The following DLGAP2 variants were observed in gnomAD, a reference collection of about 807,000 sequenced individuals.
The protein encoded by DLGAP2 is disks large-associated protein 2.
Under a neutral mutation model 100.3 loss-of-function variants are expected in DLGAP2, and 26 were observed. That is an observed-to-expected ratio of 0.26 (90% confidence interval 0.19 to 0.36). DLGAP2 has a LOEUF of 0.36. DLGAP2 is among the 10% of genes least tolerant of loss of function. The pLI is 1.00. For missense variants in DLGAP2, 1,858 were observed against 1,453.2 expected (o/e 1.28, Z -4.53); for synonymous variants, 886 against 630.1 (o/e 1.41, Z -6.08).
chr8:1,481,535 G>C (rs1799097228), intron 3 of DLGAP2, among the ~76,000 whole-genome samples: 1 of 127,768 alleles, frequency 7.8e-6, no homozygotes, highest in Admixed American at 9.8e-5. Context: ...CTGGAGTGCA[G>C]TGGTATGATC....
At chr8:1,308,017 C>T (rs759808460) in intron 3 of DLGAP2, among the ~76,000 whole-genome samples, 1 of 152,044 alleles carries the variant, frequency 6.6e-6, no homozygotes, top group African/African-American at 2.4e-5. Context: ...ATTTTACCAC[C>T]GTTTTTCCAA....
chr8:1,021,417 G>C (rs1455977432), intron 2 of DLGAP2, among the ~76,000 whole-genome samples: 1 of 152,158 alleles, frequency 6.6e-6, no homozygotes, highest in Non-Finnish European at 1.5e-5. Context: ...CATTTCTCTT[G>C]TTTGACTCGA....
chr8:1,668,126 T>C (rs1798591820), intron 8 of DLGAP2, among the ~76,000 whole-genome samples: 1 of 152,246 alleles, frequency 6.6e-6, no homozygotes. Context: ...CTGGGTTTGC[T>C]GGTATTTTTA....
At chr8:747,281 A>C (rs947718715) in intron 1 of DLGAP2, among the ~76,000 whole-genome samples, 5 of 152,086 alleles carry the variant, frequency 3.3e-5, no homozygotes, top group East Asian at 2.0e-4. Flanking sequence ...AAAAGACTGC[A>C]AGATATCATA....
At position 1,036,909 on chromosome 8, in the gene DLGAP2, A is replaced by G. The variant is rs372072054; in HGVS notation, c.73+128943A>G. Among the ~76,000 whole-genome samples the G allele has an allele frequency of 4.2e-3, 638 of 152,234 alleles. 6 individuals are homozygous for G. The highest frequency in any genetic ancestry group is 0.015 in the African/African-American group (605 of 41,542). On this transcript the variant is annotated intron_variant, in intron 2 of 14. Transcript: ENST00000637795. ...TAAGCTGCTTTTTTTAGGATACCAG[A>G]AGGTGTGACCCCCTCCCGGCACAGT...
chr8:1,082,582 T>G (rs1482183176), intron 2 of DLGAP2, among the ~76,000 whole-genome samples: 1 of 152,208 alleles, frequency 6.6e-6, no homozygotes, highest in African/African-American at 2.4e-5. Flanking sequence ...TGAGCAGGGC[T>G]GGGCATGGTG....
At chr8:1,381,713 G>C (rs1346251999) in intron 3 of DLGAP2, among the ~76,000 whole-genome samples, 1 of 151,884 alleles carries the variant, frequency 6.6e-6, no homozygotes, top group African/African-American at 2.4e-5. Flanking sequence ...TCAGCATCAT[G>C]TCCTCCAGCT....
At chr8:1,293,696 G>C (rs969195925) in intron 3 of DLGAP2, among the ~76,000 whole-genome samples, 6 of 152,142 alleles carry the variant, frequency 3.9e-5, no homozygotes, top group Admixed American at 2.6e-4. Flanking sequence ...ACAGTGCCCA[G>C]CCTGAGCCCT....
chr8:1,482,941 A>C (rs1799136116), intron 3 of DLGAP2, among the ~76,000 whole-genome samples: 1 of 152,210 alleles, frequency 6.6e-6, no homozygotes, highest in Non-Finnish European at 1.5e-5. Context: ...GTCTTGGAGC[A>C]TTTAGCCCTC....
chr8:1,419,510 G>C (rs1409126334), intron 3 of DLGAP2, among the ~76,000 whole-genome samples: 1 of 150,836 alleles, frequency 6.6e-6, no homozygotes, highest in African/African-American at 2.4e-5. Context: ...GGTTATTTTT[G>C]GTTGACTGAT....
intron 2 of DLGAP2, among the ~76,000 whole-genome samples, chr8:1,146,058 C>G (rs1796600647): frequency 6.6e-6 from 1 of 152,098 alleles, no homozygotes; most frequent in Non-Finnish European, 1.5e-5. Flanking sequence ...TGCCTGTCCC[C>G]TCTAACACAT....
chr8:1,505,133 A>G lies in DLGAP2; in HGVS notation c.172+3702A>G, dbSNP rs575469166. On this transcript the variant is annotated intron_variant, in intron 4 of 14. Transcript: ENST00000637795. ...TTGTTTTTCCAAATTGAGTGTTCCAATCTCCTCATCTTTAAATTGAGAGGG... is the reference window on the plus strand; with the variant it reads ...TTGTTTTTCCAAATTGAGTGTTCCAGTCTCCTCATCTTTAAATTGAGAGGG... Among the ~76,000 whole-genome samples, 5 of 152,330 alleles carry G rather than the reference A, an allele frequency of 3.3e-5. No homozygotes were observed. The South Asian group carries it at 6.2e-4, about 19-fold the overall frequency.
intron 2 of DLGAP2, among the ~76,000 whole-genome samples, chr8:1,037,855 A>T (rs1802179764): frequency 6.6e-6 from 1 of 152,216 alleles, no homozygotes; most frequent in Admixed American, 6.5e-5. Flanking sequence ...CAAAGCTCAG[A>T]CAGCCGGTCT....
intron 3 of DLGAP2, among the ~76,000 whole-genome samples, chr8:1,414,427 C>A (rs553048178): frequency 1.3e-5 from 2 of 152,168 alleles, no homozygotes; most frequent in Admixed American, 6.5e-5. Context: ...CCCATGGAGC[C>A]GGTCAAGTGT....
At chr8:1,275,730 A>AG (rs1799669878) in intron 3 of DLGAP2, among the ~76,000 whole-genome samples, 1 of 136,770 alleles carries the variant, frequency 7.3e-6, no homozygotes, top group African/African-American at 2.7e-5. Flanking sequence ...ATATATATAA[A>AG]ATATATGTAA....
chr8:795,073 G>C (rs1216015452), intron 1 of DLGAP2, among the ~76,000 whole-genome samples: 1 of 152,164 alleles, frequency 6.6e-6, no homozygotes, highest in Non-Finnish European at 1.5e-5. Flanking sequence ...ACAGAACACT[G>C]TTTAGATACC....
chr8:897,024 C>G (rs148264795), intron 1 of DLGAP2, among the ~76,000 whole-genome samples: 247 of 152,266 alleles, frequency 1.6e-3, no homozygotes, highest in Non-Finnish European at 2.8e-3. Context: ...TCAGTGCCAC[C>G]AGAGTCAGTG....
chr8:1,623,058 A>C (rs1295224271), intron 6 of DLGAP2, among the ~76,000 whole-genome samples: 1 of 152,230 alleles, frequency 6.6e-6, no homozygotes, highest in East Asian at 1.9e-4. Context: ...ATAAAATGCT[A>C]AGCCATTATA....
At chr8:1,574,993 T>C (rs946801908) in intron 6 of DLGAP2, among the ~76,000 whole-genome samples, 6 of 152,144 alleles carry the variant, frequency 3.9e-5, no homozygotes, top group Non-Finnish European at 8.8e-5. Context: ...CACACACGTG[T>C]GCACACACTC....
Sources: allele counts gnomAD v4.1 joint callset (sites outside exome capture counted in the v4.1 genomes callset), GRCh38; gene constraint gnomAD v4.1.1; transcripts MANE v1.5; gene names NCBI Gene and HGNC (gene_info 2026-07-23, HGNC 2026-07-21).